The following ITPRID1 variants were observed in gnomAD, a reference collection of about 807,000 sequenced individuals.
ITPRID1 encodes the protein ITPR interacting domain containing 1.
In ITPRID1, 96 loss-of-function variants were observed where a neutral mutation model predicts 95.4. The ratio of observed to expected loss-of-function variants is 1.01; its 90% CI spans 0.85 to 1.19. ITPRID1 has a LOEUF of 1.19. Ranked by LOEUF, ITPRID1 falls within the 50% of genes most tolerant of loss-of-function variation. ITPRID1 has a pLI of 0.00. For missense variants in ITPRID1, 1,339 were observed against 1,252.9 expected, an observed-to-expected ratio of 1.07 and a Z score of -1.04; for synonymous variants, 510 against 453.6, an observed-to-expected ratio of 1.12 and a Z score of -1.58.
intron 10 of ITPRID1, among the ~76,000 whole-genome samples, chr7:31,634,659 C>G (rs892523048): frequency 6.6e-6 from 1 of 152,000 alleles, no homozygotes; most frequent in Non-Finnish European, 1.5e-5. Flanking sequence ...ATGGGATAGG[C>G]AGGATGGGGG....
Position 31,652,021 on chromosome 7 carries a change from G to T in ITPRID1, c.2794G>T (p.Ala932Ser). 6.2e-7 allele frequency: 1 copy of T among 1,602,808 alleles called. No homozygotes were observed. The highest frequency in any genetic ancestry group is 8.5e-7 in the Non-Finnish European group (1 of 1,174,866). ...GTTGGAATTTCAGTTAGGAGACCGG[G>T]CTCAGCAAATCAGAGAAGGGATTTT... Reference protein sequence around the residue: ...AELEFQLGDRAQQIREGILLQ... With the variant: ...AELEFQLGDRSQQIREGILLQ... The change falls in exon 14 of 15, where the codon GCT becomes TCT. Residue 932 changes from alanine to serine, a missense_variant. By Grantham distance (99) the Ala-to-Ser change is moderately conservative. Coordinates refer to ENST00000615280, the MANE Select transcript of ITPRID1 (RefSeq NM_001257967.3).
chr7:31,609,553 G>A (rs190430958), intron 10 of ITPRID1, among the ~76,000 whole-genome samples: 23 of 151,600 alleles, frequency 1.5e-4, no homozygotes, highest in African/African-American at 4.6e-4. Flanking sequence ...TTCTAGAAAT[G>A]TATCCATCTC....
At chr7:31,533,503 A>C (rs550130094) in intron 1 of ITPRID1, among the ~76,000 whole-genome samples, 5 of 151,882 alleles carry the variant, frequency 3.3e-5, no homozygotes, top group Non-Finnish European at 7.4e-5. Context: ...TCCTTTTTCC[A>C]CTTACTTTGA....
intron 8 of ITPRID1, 80 bp from the exon 9 acceptor site, chr7:31,577,783 C>A: frequency 8.5e-7 from 1 of 1,180,150 alleles, no homozygotes; most frequent in Non-Finnish European, 1.2e-6. Flanking sequence ...TGTTAACGGA[C>A]CCTTCAGTTT....
chr7:31,580,103 G>A (rs1426656281), intron 9 of ITPRID1, among the ~76,000 whole-genome samples: 1 of 151,952 alleles, frequency 6.6e-6, no homozygotes, highest in Non-Finnish European at 1.5e-5. Context: ...TTTGAGACCA[G>A]CCTGGCCAAC....
Position 31,547,808 on chromosome 7 carries a change from A to C in ITPRID1, c.-97-1618A>C, listed in dbSNP as rs28395297. On this transcript the variant is annotated intron_variant, in intron 1 of 14. Coordinates refer to ENST00000615280, the MANE Select transcript of ITPRID1 (RefSeq NM_001257967.3). The stretch of plus-strand genomic sequence containing the variant: ...TATGGGAGGGTAAAGAAGTCCAGGC[A>C]AGAATAAAGAATTCAGTGTGGCACA... 3.8e-3 allele frequency among the ~76,000 whole-genome samples: 577 copies of C among 152,292 alleles called. 5 individuals are homozygous for C. The highest frequency in any genetic ancestry group is 0.014 in the African/African-American group (562 of 41,570).
In ITPRID1 at chr7:31,653,101, T is replaced by C. The variant is rs1325837708; in HGVS notation, c.*272T>C. 3.1e-6 allele frequency: 2 copies of C among 644,116 alleles called. No individual in the cohort carries two copies. Among genetic ancestry groups the C allele is most frequent in the African/African-American group, 1.8e-5 (1 of 55,462 alleles). The allele number at this position is 644,116 out of a possible 1,614,324, so 39.9% of individuals were successfully genotyped here. ...CTCTGCCCTGCTAGAACTTACAGTG[T>C]AGTGGGGGAGATAGAATTGCAAACA... On this transcript the variant is annotated 3_prime_UTR_variant, in exon 15 of 15. Coordinates refer to ENST00000615280, the MANE Select transcript of ITPRID1 (RefSeq NM_001257967.3).
chr7:31,598,010 G>A (rs1786160344), intron 10 of ITPRID1, among the ~76,000 whole-genome samples: 1 of 152,154 alleles, frequency 6.6e-6, no homozygotes, highest in Non-Finnish European at 1.5e-5. Context: ...AAAATCAGTG[G>A]AGAAAGGATA....
At chr7:31,635,264 G>A (rs543919489) in intron 10 of ITPRID1, among the ~76,000 whole-genome samples, 6 of 152,278 alleles carry the variant, frequency 3.9e-5, no homozygotes, top group Admixed American at 1.3e-4. Context: ...TAGTCTGGTT[G>A]TTGAGAAGGT....
chr7:31,652,252 C>T (rs375743335), intron 14 of ITPRID1, among the ~76,000 whole-genome samples: 1 of 152,156 alleles, frequency 6.6e-6, no homozygotes, highest in Non-Finnish European at 1.5e-5. Flanking sequence ...ATTCAGTTCA[C>T]CTGTCATACC....
At chr7:31,530,981 T>C (rs12701114) in intron 1 of ITPRID1, among the ~76,000 whole-genome samples, 88,530 of 151,898 alleles carry the variant, frequency 0.58, 26,847 homozygotes, top group Middle Eastern at 0.71. Flanking sequence ...TCCAATGTTC[T>C]GGGAGATATT....
Position 31,583,140 on chromosome 7 carries a change from A to C in ITPRID1, c.1177A>C (p.Ser393Arg). ...ATGCATTTTGATATCTTAGGTCCAA[A>C]GCTTTGAAGAAGAGACTGGTAATCC... is the stretch of plus-strand genomic sequence containing the variant. ...PDSFEMEEVQ[S>R]FEEETGNPLD... Residue 393 changes from serine to arginine, a missense_variant, in exon 10 of 15, where the codon AGC becomes CGC. Transcript: ENST00000615280. The C allele has an allele frequency of 1.2e-6, 2 of 1,610,440 alleles. No individual in the cohort carries two copies.
chr7:31,623,672 G>A (rs1788150246), intron 10 of ITPRID1, among the ~76,000 whole-genome samples: 1 of 105,558 alleles, frequency 9.5e-6, no homozygotes, highest in South Asian at 4.8e-4. Context: ...AAAACTGGAA[G>A]CATTCCCTTT....
At chr7:31,632,015 G>A (rs761427757) in intron 10 of ITPRID1, among the ~76,000 whole-genome samples, 1 of 152,104 alleles carries the variant, frequency 6.6e-6, no homozygotes, top group Non-Finnish European at 1.5e-5. Context: ...TAGGAATGAA[G>A]GCTTCCAGTA....
chr7:31,610,512 G>T (rs571208235), intron 10 of ITPRID1, among the ~76,000 whole-genome samples: 1 of 151,428 alleles, frequency 6.6e-6, no homozygotes, highest in East Asian at 1.9e-4. Context: ...TTTGTTGTTG[G>T]TCTTCTAATT....
chr7:31,571,670 T>C (rs1784993281), intron 6 of ITPRID1, among the ~76,000 whole-genome samples: 1 of 152,208 alleles, frequency 6.6e-6, no homozygotes, highest in South Asian at 2.1e-4. Flanking sequence ...TTAGAGAGTG[T>C]TAGCCATGTG....
At chr7:31,515,698 T>C (rs1470343814) in intron 1 of ITPRID1, among the ~76,000 whole-genome samples, 4 of 152,236 alleles carry the variant, frequency 2.6e-5, no homozygotes, top group African/African-American at 9.6e-5. Context: ...GATTATTACA[T>C]TGTAAGATTG....
At position 31,643,524 on chromosome 7, in the gene ITPRID1, G is replaced by T; in HGVS notation, c.2154G>T (p.Ser718=). 6.2e-7 allele frequency: 1 copy of T among 1,613,972 alleles called. No homozygotes were observed. The stretch of plus-strand genomic sequence containing the variant: ...CCCAGATGTCCTCCAGCCTGGTGTC[G>T]GCTGCTCAGAGGGCTGTGGCCTTGG... ...VMTQMSSSLV[S]AAQRAVALGT... is the part of the protein sequence containing the mutation. The change falls in exon 12 of 15, where the codon TCG becomes TCT. Residue 718 remains serine (S), a synonymous_variant. Coordinates refer to ENST00000615280, the MANE Select transcript of ITPRID1 (RefSeq NM_001257967.3).
intron 1 of ITPRID1, among the ~76,000 whole-genome samples, chr7:31,519,082 C>G (rs1439938590): frequency 6.6e-6 from 1 of 152,142 alleles, no homozygotes; most frequent in Non-Finnish European, 1.5e-5. Context: ...GTGGCAGTGA[C>G]TTGTCCGAGA....
Sources: gnomAD v4.1 joint callset for allele counts (sites outside exome capture counted in the v4.1 genomes callset) on GRCh38, gnomAD v4.1.1 for gene constraint, MANE v1.5 for transcripts, NCBI Gene and HGNC (gene_info 2026-07-23, HGNC 2026-07-21) for gene names.